The following ANKRD17 variants were observed in gnomAD, a reference collection of about 807,000 sequenced individuals.
The protein encoded by ANKRD17 is ankyrin repeat domain 17, also known as ankyrin repeat domain-containing protein 17.
Under a neutral mutation model 229.7 loss-of-function variants are expected in ANKRD17, and 19 were observed. The observed-to-expected ratio is 0.08, with a 90% CI of 0.06 to 0.12. The LOEUF (loss-of-function observed/expected upper bound fraction) is 0.12. Ranked by LOEUF, ANKRD17 falls within the 10% of genes least tolerant of loss-of-function variation. ANKRD17 has a pLI of 1.00. For synonymous variants in ANKRD17, 1,112 were observed against 1,146.1 expected, an observed-to-expected ratio of 0.97 and a Z score of 0.60; for missense variants, 2,176 against 3,176.8, an observed-to-expected ratio of 0.68 and a Z score of 7.57.
intron 1 of ANKRD17, among the ~76,000 whole-genome samples, chr4:73,204,358 C>CA (rs374000000): frequency 0.41 from 24,209 of 59,138 alleles, 4,216 homozygotes; most frequent in South Asian, 0.48. Flanking sequence ...GAGACTCCGT[C>CA]AAAAAAAAAA....
At chr4:73,128,508 T>C (rs1727770531) in intron 16 of ANKRD17, among the ~76,000 whole-genome samples, 1 of 152,192 alleles carries the variant, frequency 6.6e-6, no homozygotes, top group South Asian at 2.1e-4. Context: ...ACGGAAAATT[T>C]TAGTGGATCA....
chr4:73,129,594 G>A (rs747674953), intron 16 of ANKRD17, among the ~76,000 whole-genome samples: 22 of 152,100 alleles, frequency 1.4e-4, no homozygotes, highest in African/African-American at 4.8e-4. Flanking sequence ...TGCAATGCCT[G>A]TACTCATAGC....
At chr4:73,195,486 T>C (rs1737728341) in intron 1 of ANKRD17, among the ~76,000 whole-genome samples, 2 of 152,078 alleles carry the variant, frequency 1.3e-5, no homozygotes. Context: ...CGAAGTCATG[T>C]AGACTTAAGA....
intron 25 of ANKRD17, chr4:73,101,041 A>G (rs1723917452): frequency 1.1e-6 from 1 of 914,886 alleles, no homozygotes; most frequent in Non-Finnish European, 1.3e-6. Context: ...TGCGTTAGGT[A>G]TTAGAGGTAA....
chr4:73,235,958 C>A (rs1191992753), intron 1 of ANKRD17, among the ~76,000 whole-genome samples: 3 of 152,054 alleles, frequency 2.0e-5, no homozygotes, highest in Non-Finnish European at 2.9e-5. Context: ...CTTGCCTCAG[C>A]CTCCCAAAGT....
At chr4:73,164,595 A>T (rs1283112531) in intron 2 of ANKRD17, among the ~76,000 whole-genome samples, 9 of 152,178 alleles carry the variant, frequency 5.9e-5, no homozygotes, top group Non-Finnish European at 1.2e-4. Context: ...GTTGGAGATC[A>T]GCCTGGGCAA....
At chr4:73,108,991 G>A (rs1383824972) in intron 24 of ANKRD17, among the ~76,000 whole-genome samples, 1 of 152,192 alleles carries the variant, frequency 6.6e-6, no homozygotes, top group East Asian at 1.9e-4. Flanking sequence ...ACACAATGAA[G>A]GGACTGGTTA....
Position 73,124,744 on chromosome 4 carries a change from T to C in ANKRD17, c.3492+169A>G, listed in dbSNP as rs532276195. On this transcript the variant is annotated intron_variant, in intron 18 of 33. Coordinates refer to ENST00000358602, the MANE Select transcript of ANKRD17 (RefSeq NM_032217.5). Reference sequence around the variant, plus strand: ...ACAATGTGTGATTTTTCTGGCAAGATAGCTTATGCTAACAATGATACTCAT... The same window carrying C: ...ACAATGTGTGATTTTTCTGGCAAGACAGCTTATGCTAACAATGATACTCAT... 2.1e-4 allele frequency among the ~76,000 whole-genome samples: 32 copies of C among 152,360 alleles called. 1 individual carries two copies. Among genetic ancestry groups the C allele is most frequent in the African/African-American group, 6.3e-4 (26 of 41,582 alleles).
intron 24 of ANKRD17, among the ~76,000 whole-genome samples, chr4:73,109,549 G>C (rs1437242475): frequency 6.6e-6 from 1 of 152,156 alleles, no homozygotes; most frequent in African/African-American, 2.4e-5. Context: ...AGGTGAAAGA[G>C]AGGTGGTGCT....
intron 1 of ANKRD17, among the ~76,000 whole-genome samples, chr4:73,192,281 A>T (rs570135265): frequency 6.6e-6 from 1 of 152,088 alleles, no homozygotes; most frequent in Non-Finnish European, 1.5e-5. Context: ...TATTTACCAA[A>T]TGGATACATT....
chr4:73,182,506 G>A (rs1735714996), intron 1 of ANKRD17, among the ~76,000 whole-genome samples: 1 of 152,150 alleles, frequency 6.6e-6, no homozygotes, highest in Non-Finnish European at 1.5e-5. Context: ...ATAATAAGGG[G>A]TTGAACTTTC....
At chr4:73,100,072 A>G (rs1164800018) in intron 25 of ANKRD17, among the ~76,000 whole-genome samples, 2 of 151,848 alleles carry the variant, frequency 1.3e-5, no homozygotes, top group African/African-American at 4.8e-5. Flanking sequence ...TTCTGGTTCC[A>G]TTTTTCCTCT....
At position 73,099,195 on chromosome 4, in the gene ANKRD17, T is replaced by C. The variant is rs375626321; in HGVS notation, c.4574-675A>G. ...TGAAGGAGCAGCTTCCTTCTGGGAC[T>C]GGACAGCTTTTGCTCCGCTCCCACC... On this transcript the variant is annotated intron_variant, in intron 25 of 33. Coordinates refer to ENST00000358602, the MANE Select transcript of ANKRD17 (RefSeq NM_032217.5). The C allele has an allele frequency of 2.2e-5, 14 of 641,514 alleles. No homozygotes were observed. In the East Asian group the frequency reaches 4.8e-4, roughly 22 times the overall value. The allele number at this position is 641,514 out of a possible 1,614,324, so 39.7% of individuals were successfully genotyped here. A position where few individuals can be genotyped will look rare whatever the true frequency, so the allele number is the denominator to read the frequency against.
chr4:73,113,179 C>A, intron 24 of ANKRD17: 1 of 1,282,680 alleles, frequency 7.8e-7, no homozygotes, highest in Middle Eastern at 2.2e-4. Context: ...CAGTTAAGTT[C>A]TAGAGTACAG....
rs183984854 is a variant in ANKRD17 at position 73,142,478 on chromosome 4, C to T, written c.2086-93G>A. 1,042 of 1,565,476 alleles carry T rather than the reference C, an allele frequency of 6.7e-4. 5 individuals carry two copies. The highest frequency in any genetic ancestry group is 3.9e-3 in the African/African-American group (280 of 72,176). ...GAAGATAAAGCCAACAGGTCCCAGA[C>T]GCATTAAAATCATAGGTTTGGTAAA... On this transcript the variant is annotated intron_variant, in intron 12 of 33. Transcript: ENST00000358602.
chr4:73,127,548 A>G (rs1218645083), intron 16 of ANKRD17, among the ~76,000 whole-genome samples: 1 of 152,110 alleles, frequency 6.6e-6, no homozygotes, highest in Non-Finnish European at 1.5e-5. Flanking sequence ...CTTATCACCA[A>G]TCTGCCTTAT....
At chr4:73,255,757 C>G (rs940510777) in intron 1 of ANKRD17, among the ~76,000 whole-genome samples, 3 of 151,158 alleles carry the variant, frequency 2.0e-5, no homozygotes, top group Admixed American at 2.0e-4. Context: ...GAGTCTCGTT[C>G]TTGTTGCCCA....
intron 18 of ANKRD17, among the ~76,000 whole-genome samples, chr4:73,123,305 T>G (rs1286660168): frequency 6.6e-6 from 1 of 152,082 alleles, no homozygotes; most frequent in South Asian, 2.1e-4. Flanking sequence ...TTATGGGGAT[T>G]TTTACTTTTT....
intron 1 of ANKRD17, among the ~76,000 whole-genome samples, chr4:73,205,106 G>C (rs968017606): frequency 6.6e-6 from 1 of 152,120 alleles, no homozygotes; most frequent in South Asian, 2.1e-4. Flanking sequence ...TTGAAGCTAG[G>C]AGTTAAAGAC....
Sources: allele counts gnomAD v4.1 joint callset (sites outside exome capture counted in the v4.1 genomes callset), GRCh38; gene constraint gnomAD v4.1.1; transcripts MANE v1.5; gene names NCBI Gene and HGNC (gene_info 2026-07-23, HGNC 2026-07-21).